GABRA4: variants seen among roughly 807,000 people sequenced by gnomAD.
The protein encoded by GABRA4 is gamma-aminobutyric acid type A receptor subunit alpha4.
In GABRA4, 12 loss-of-function variants were observed where a neutral mutation model predicts 49.7. The observed-to-expected ratio is 0.24, with a 90% CI of 0.15 to 0.39. GABRA4 has a LOEUF of 0.39. Ranked by LOEUF, GABRA4 falls within the 10% of genes least tolerant of loss-of-function variation. The pLI, the probability that GABRA4 is intolerant of heterozygous loss-of-function variation, is 1.00. For synonymous variants in GABRA4, 288 were observed against 240.2 expected (o/e 1.20, Z -1.84); for missense variants, 506 against 686.0 (o/e 0.74, Z 2.93).
rs1285114015 is a variant in GABRA4, at chr4:46,923,888, A to G, written c.*4337T>C. 6.6e-6 allele frequency: 1 copy of G among 151,972 alleles called. No individual in the cohort carries two copies. Among genetic ancestry groups the G allele is most frequent in the African/African-American group, 2.4e-5 (1 of 41,376 alleles). The allele number at this position is 151,972 out of a possible 1,614,324, so 9.4% of individuals were successfully genotyped here. On this transcript the variant is annotated 3_prime_UTR_variant, in exon 9 of 9. Coordinates refer to ENST00000264318, the MANE Select transcript of GABRA4 (RefSeq NM_000809.4). ...CTCTCACTTCCCTGCATTCACCCTT[A>G]CCTCCAAACACAGAACTAAGAATTT...
intron 8 of GABRA4, among the ~76,000 whole-genome samples, chr4:46,935,884 A>G (rs536348515): frequency 7.9e-5 from 12 of 152,326 alleles, no homozygotes; most frequent in Admixed American, 2.0e-4. Flanking sequence ...GTTGCTGGTG[A>G]CAATGAGAAA....
chr4:46,976,387 G>A (rs1207059387), intron 5 of GABRA4, among the ~76,000 whole-genome samples: 3 of 143,598 alleles, frequency 2.1e-5, no homozygotes, highest in Non-Finnish European at 4.5e-5. Flanking sequence ...AAGCGGAAGT[G>A]GAACTGTAAA....
rs1000262299 is a variant in GABRA4 at position 46,925,415 on chromosome 4, T to C, written c.*2810A>G. Reference sequence around the variant, plus strand: ...TTGAAAGTAATTATGTAGCAGTTAGTGGCCAACATGGACTGCAGATACTAG... The same window carrying C: ...TTGAAAGTAATTATGTAGCAGTTAGCGGCCAACATGGACTGCAGATACTAG... On this transcript the variant is annotated 3_prime_UTR_variant, in exon 9 of 9. Coordinates refer to ENST00000264318, the MANE Select transcript of GABRA4 (RefSeq NM_000809.4). The C allele has an allele frequency of 7.2e-5, 11 of 151,928 alleles. No homozygotes were observed. The highest frequency in any genetic ancestry group is 1.3e-4 in the Non-Finnish European group (9 of 67,872). The allele number at this position is 151,928 out of a possible 1,614,324, so 9.4% of individuals were successfully genotyped here.
At chr4:46,989,109 A>T (rs577029276) in intron 2 of GABRA4, among the ~76,000 whole-genome samples, 1 of 152,286 alleles carries the variant, frequency 6.6e-6, no homozygotes, top group African/African-American at 2.4e-5. Flanking sequence ...AAAGGCAGTG[A>T]TCTGTATTTG....
In GABRA4 at chr4:46,928,635, C is replaced by G. The variant is rs1721323605; in HGVS notation, c.1255G>C (p.Glu419Gln). 2 of 1,613,588 alleles carry G rather than the reference C, an allele frequency of 1.2e-6. No homozygotes were observed. Among genetic ancestry groups the G allele is most frequent in the African/African-American group, 2.7e-5 (2 of 74,878 alleles). Residue 419 changes from glutamate (E) to glutamine (Q), a missense_variant, in exon 9 of 9, where the codon GAA becomes CAA. This residue lies in a region of GABRA4 where 243 missense variants were observed against 210.8 expected (regional missense o/e 1.15). Coordinates refer to ENST00000264318, the MANE Select transcript of GABRA4 (RefSeq NM_000809.4). The part of the protein sequence containing the change: ...HSSKSSTVVQ[E>Q]SSKGTPRSYL... ...GACCGAGGTGTGCCTTTAGAAGATTCTTGAACAACTGTGGAAGATTTGCTT... is the reference window on the plus strand; with the variant it reads ...GACCGAGGTGTGCCTTTAGAAGATTGTTGAACAACTGTGGAAGATTTGCTT...
chr4:46,978,017 C>T (rs1184640030), intron 3 of GABRA4, among the ~76,000 whole-genome samples: 2 of 152,076 alleles, frequency 1.3e-5, no homozygotes, highest in Non-Finnish European at 1.5e-5. Flanking sequence ...TAATTGTAGG[C>T]ATTTTAAAGA....
Position 46,922,731 on chromosome 4 carries a change from T to C in GABRA4, c.*5494A>G, listed in dbSNP as rs1384014338. The C allele has an allele frequency of 1.3e-5, 2 of 151,976 alleles. No homozygotes were observed. Among genetic ancestry groups the C allele is most frequent in the African/African-American group, 2.4e-5 (1 of 41,380 alleles). 9.4% of individuals were successfully genotyped at this position (151,976 alleles called of 1,614,324 possible). On this transcript the variant is annotated 3_prime_UTR_variant, in exon 9 of 9. Transcript: ENST00000264318. ...AACCATTATGAAGTTGAAAAGTACA[T>C]TGGAAGTTACAAAATAGAATAATCA...
intron 2 of GABRA4, among the ~76,000 whole-genome samples, chr4:46,986,762 CT>C (rs1723555723): frequency 2.0e-5 from 3 of 152,108 alleles, no homozygotes; most frequent in African/African-American, 7.2e-5. Context: ...ATCTATGCCC[CT>C]GGTCTACTTC....
chr4:46,975,659 C>A lies in GABRA4; in HGVS notation c.578-1284G>T, dbSNP rs556123204. Among the ~76,000 whole-genome samples, 7 of 151,998 alleles carry A rather than the reference C, an allele frequency of 4.6e-5. 1 individual carries two copies. In the South Asian group the frequency reaches 1.2e-3, roughly 27 times the overall value. On this transcript the variant is annotated intron_variant, in intron 5 of 8. Transcript: ENST00000264318. ...TGCAATTTCTTTATTTTATACAAAC[C>A]CTGATTGAACACGAACTATGTTCAA...
rs574735822 is a variant in GABRA4 at position 46,923,243 on chromosome 4, A to C, written c.*4982T>G. ...TGAAATAAAGATTGAAACCTGGGAT[A>C]AAAAGCTCTGACTCTCTAAATCTCT... On this transcript the variant is annotated 3_prime_UTR_variant, in exon 9 of 9. Coordinates refer to ENST00000264318, the MANE Select transcript of GABRA4 (RefSeq NM_000809.4). 3 of 152,132 alleles carry C rather than the reference A, an allele frequency of 2.0e-5. No individual in the cohort carries two copies. Among genetic ancestry groups the C allele is most frequent in the Non-Finnish European group, 4.4e-5 (3 of 68,016 alleles). The allele number at this position is 152,132 out of a possible 1,614,324, so 9.4% of individuals were successfully genotyped here.
chr4:46,954,827 C>A (rs989650347), intron 8 of GABRA4, among the ~76,000 whole-genome samples: 7 of 152,082 alleles, frequency 4.6e-5, no homozygotes, highest in Non-Finnish European at 8.8e-5. Flanking sequence ...TGAAACCATC[C>A]AGCTTTCTGA....
chr4:46,970,961 A>C (rs557978691), intron 7 of GABRA4, 122 bp downstream of exon 7: 1 of 880,310 alleles, frequency 1.1e-6, no homozygotes, highest in Non-Finnish European at 1.7e-6. Flanking sequence ...AATGAAAGCC[A>C]TGTGATTCCT....
chr4:46,939,376 C>T (rs1216057197), intron 8 of GABRA4, among the ~76,000 whole-genome samples: 2 of 151,944 alleles, frequency 1.3e-5, no homozygotes, highest in African/African-American at 2.4e-5. Context: ...TTAATATGGG[C>T]CAGGCACTAC....
chr4:46,983,049 A>C (rs1274144688), intron 2 of GABRA4, among the ~76,000 whole-genome samples: 1 of 151,680 alleles, frequency 6.6e-6, no homozygotes, highest in Non-Finnish European at 1.5e-5. Flanking sequence ...TCCTCACGAC[A>C]CCCTCCAAAG....
intron 8 of GABRA4, among the ~76,000 whole-genome samples, chr4:46,950,105 G>A (rs1174609106): frequency 1.3e-5 from 2 of 152,108 alleles, no homozygotes; most frequent in Admixed American, 1.3e-4. Context: ...GATCAGCTAA[G>A]GCTTTAGCAC....
Position 46,958,242 on chromosome 4 carries a change from G to A in GABRA4, c.1134+6728C>T, listed in dbSNP as rs537197990. ...ACTGCAAACCTCAGCTTCTTCATCT[G>A]TAAAATAGTTATTGTGAGCTTGAAA... is the stretch of plus-strand genomic sequence containing the variant. On this transcript the variant is annotated intron_variant, in intron 8 of 8. Transcript: ENST00000264318. Among the ~76,000 whole-genome samples, 9 of 151,914 alleles carry A rather than the reference G, an allele frequency of 5.9e-5. No homozygotes were observed. In the East Asian group the frequency reaches 1.8e-3, roughly 30 times the overall value.
At position 46,946,541 on chromosome 4, in the gene GABRA4, T is replaced by C. The variant is rs528118142; in HGVS notation, c.1135-17786A>G. Among the ~76,000 whole-genome samples, 2 of 152,198 alleles carry C rather than the reference T, an allele frequency of 1.3e-5. 1 individual carries two copies. Among genetic ancestry groups the C allele is most frequent in the South Asian group, 4.1e-4 (2 of 4,828 alleles). On this transcript the variant is annotated intron_variant, in intron 8 of 8. Transcript: ENST00000264318. The stretch of plus-strand genomic sequence containing the variant: ...TTCTGCTAACTCTTAGTTCCCAATA[T>C]AATAGGGACTCCACTGTGGGGCTAA...
chr4:46,947,412 A>C (rs1365087273), intron 8 of GABRA4, among the ~76,000 whole-genome samples: 1 of 152,040 alleles, frequency 6.6e-6, no homozygotes, highest in Non-Finnish European at 1.5e-5. Flanking sequence ...CTGCGTTCTA[A>C]GTAAAGGTCC....
At chr4:46,974,205 G>A (rs753722139) in intron 6 of GABRA4, 27 bp downstream of exon 6, 17 of 1,590,932 alleles carry the variant, frequency 1.1e-5, no homozygotes, top group Non-Finnish European at 1.5e-5. Flanking sequence ...CAAGTAGCAT[G>A]TCGGCTTTAA....
Sources: gnomAD v4.1 joint callset for allele counts (sites outside exome capture counted in the v4.1 genomes callset) on GRCh38, gnomAD v4.1.1 for gene constraint, gnomAD v4.1.1 regional missense constraint, MANE v1.5 for transcripts, NCBI Gene and HGNC (gene_info 2026-07-23, HGNC 2026-07-21) for gene names.